Variants in PRKD1 observed in about 807,000 individuals in gnomAD.
The protein encoded by PRKD1 is serine/threonine-protein kinase D1.
PRKD1 carries 63 observed loss-of-function variants against 95.9 expected under a neutral mutation model. The observed-to-expected ratio is 0.66, with a 90% CI of 0.54 to 0.81. PRKD1 has a LOEUF of 0.81. PRKD1 is among the 30% of genes least tolerant of loss of function. PRKD1 has a pLI of 0.00. For missense variants in PRKD1, 1,048 were observed against 1,165.3 expected, an observed-to-expected ratio of 0.90 and a Z score of 1.47; for synonymous variants, 425 against 423.1, an observed-to-expected ratio of 1.00 and a Z score of -0.05.
intron 2 of PRKD1, among the ~76,000 whole-genome samples, chr14:29,691,601 A>ACC (rs1884237874): frequency 6.6e-6 from 1 of 152,156 alleles, no homozygotes; most frequent in Non-Finnish European, 1.5e-5. Context: ...CAAAGTAACA[A>ACC]TTATTAGGTT....
At chr14:29,645,939 C>T (rs1253879679) in intron 4 of PRKD1, among the ~76,000 whole-genome samples, 2 of 152,060 alleles carry the variant, frequency 1.3e-5, no homozygotes, top group African/African-American at 4.8e-5. Context: ...TATTATTTAC[C>T]TCTTATTTGT....
chr14:29,588,157 T>C (rs1361967912), intron 16 of PRKD1, among the ~76,000 whole-genome samples: 2 of 152,194 alleles, frequency 1.3e-5, no homozygotes, highest in Non-Finnish European at 2.9e-5. Flanking sequence ...TCGCGTACCA[T>C]TGGATTTCTG....
chr14:29,692,620 T>A (rs1408852363), intron 2 of PRKD1, among the ~76,000 whole-genome samples: 1 of 151,982 alleles, frequency 6.6e-6, no homozygotes, highest in Non-Finnish European at 1.5e-5. Flanking sequence ...TAATTAAAGC[T>A]CAGTTTGAAT....
intron 17 of PRKD1, among the ~76,000 whole-genome samples, chr14:29,578,062 G>A (rs148843792): frequency 8.1e-4 from 123 of 152,064 alleles, no homozygotes; most frequent in African/African-American, 2.7e-3. Flanking sequence ...ATATGCGTGC[G>A]TGTATCTCTT....
chr14:29,715,603 C>T (rs1296370597), intron 2 of PRKD1, among the ~76,000 whole-genome samples: 1 of 152,128 alleles, frequency 6.6e-6, no homozygotes, highest in African/African-American at 2.4e-5. Flanking sequence ...GTTTAAGCCT[C>T]AAGCACAAGA....
chr14:29,775,542 T>C (rs879784332), intron 1 of PRKD1, among the ~76,000 whole-genome samples: 3 of 152,144 alleles, frequency 2.0e-5, no homozygotes, highest in Non-Finnish European at 4.4e-5. Context: ...GGACCCTCGC[T>C]CATTGCTAGC....
At chr14:29,902,969 A>G (rs1894370398) in intron 1 of PRKD1, among the ~76,000 whole-genome samples, 1 of 152,238 alleles carries the variant, frequency 6.6e-6, no homozygotes, top group Admixed American at 6.5e-5. Flanking sequence ...GAAAAGTGGG[A>G]ACAGAATTTA....
intron 1 of PRKD1, among the ~76,000 whole-genome samples, chr14:29,845,501 C>T (rs1334264051): frequency 6.6e-6 from 1 of 152,116 alleles, no homozygotes; most frequent in Non-Finnish European, 1.5e-5. Flanking sequence ...CTTACATAAA[C>T]TCTAAGCATA....
intron 12 of PRKD1, 91 bp from the exon 13 acceptor site, chr14:29,624,349 A>T: frequency 1.3e-6 from 1 of 792,150 alleles, no homozygotes; most frequent in South Asian, 2.1e-5. Flanking sequence ...TAAAGAAATG[A>T]TAAACATATT....
intron 1 of PRKD1, among the ~76,000 whole-genome samples, chr14:29,916,149 GC>G (rs1894880142): frequency 6.6e-6 from 1 of 152,130 alleles, no homozygotes; most frequent in African/African-American, 2.4e-5. Context: ...CTGGAACCTT[GC>G]CTATCATGAC....
rs552537920 is a variant in PRKD1, at chr14:29,656,749, T to A, written c.696+6950A>T. Among the ~76,000 whole-genome samples, 6 of 152,280 alleles carry A rather than the reference T, an allele frequency of 3.9e-5. No homozygotes were observed. The East Asian group carries it at 9.6e-4, about 24-fold the overall frequency. On this transcript the variant is annotated intron_variant, in intron 4 of 17. Coordinates refer to ENST00000331968, the MANE Select transcript of PRKD1 (RefSeq NM_002742.3). ...ACTAAGTAAAAATTGCAAAAATAAT[T>A]GTGAGTCGCTAGATGTTAAAAAAAA...
rs1895354973 is a variant in PRKD1, at chr14:29,927,529, G to A, written c.-17C>T. On this transcript the variant is annotated 5_prime_UTR_variant, in exon 1 of 18. Transcript: ENST00000331968. Reference sequence around the variant, plus strand: ...GGCGCTCATCGCTCGGCGGGGCGCAGGGCCGGGCAGCGGAGGGCGGGGGCT... The same window carrying A: ...GGCGCTCATCGCTCGGCGGGGCGCAAGGCCGGGCAGCGGAGGGCGGGGGCT... The A allele has an allele frequency of 3.4e-6, 4 of 1,161,296 alleles. No homozygotes were observed. The East Asian group carries it at 1.6e-4, about 48-fold the overall frequency. 71.9% of individuals were successfully genotyped at this position (1,161,296 alleles called of 1,614,324 possible). A position where few individuals can be genotyped will look rare whatever the true frequency, so the allele number is the denominator to read the frequency against.
chr14:29,651,788 G>C (rs1166048049), intron 4 of PRKD1, among the ~76,000 whole-genome samples: 1 of 151,856 alleles, frequency 6.6e-6, no homozygotes, highest in African/African-American at 2.4e-5. Context: ...TTGTTGTGCA[G>C]TCTAGAGTGC....
chr14:29,614,784 T>C (rs1878731909), intron 13 of PRKD1, among the ~76,000 whole-genome samples: 1 of 151,432 alleles, frequency 6.6e-6, no homozygotes, highest in Non-Finnish European at 1.5e-5. Flanking sequence ...CTGCAACCTC[T>C]GCCTCCAAGG....
intron 1 of PRKD1, among the ~76,000 whole-genome samples, chr14:29,778,872 G>A (rs772667773): frequency 1.4e-4 from 22 of 152,102 alleles, no homozygotes; most frequent in Admixed American, 2.6e-4. Flanking sequence ...GATGATCACC[G>A]ATGCAAAAAT....
At chr14:29,627,102 C>T (rs1437453760) in intron 11 of PRKD1, among the ~76,000 whole-genome samples, 1 of 152,190 alleles carries the variant, frequency 6.6e-6, no homozygotes, top group Non-Finnish European at 1.5e-5. Flanking sequence ...CGTGCTAGCA[C>T]ATATGTTTCA....
intron 1 of PRKD1, among the ~76,000 whole-genome samples, chr14:29,860,409 A>C (rs1958989): frequency 0.48 from 73,579 of 152,044 alleles, 21,365 homozygotes; most frequent in African/African-American, 0.82. Context: ...GATAGGTGAT[A>C]TATCTCCTAA....
chr14:29,755,557 G>A (rs902196308), intron 1 of PRKD1, among the ~76,000 whole-genome samples: 5 of 152,036 alleles, frequency 3.3e-5, no homozygotes, highest in Non-Finnish European at 7.4e-5. Flanking sequence ...TGTGTACCAA[G>A]ATAGTCCCTC....
intron 1 of PRKD1, among the ~76,000 whole-genome samples, chr14:29,734,316 G>A (rs920243607): frequency 6.6e-5 from 10 of 151,826 alleles, no homozygotes; most frequent in Admixed American, 6.6e-5. Flanking sequence ...CTGGTATTAC[G>A]GGTGTGAGCC....
Sources: gnomAD v4.1 joint callset for allele counts (sites outside exome capture counted in the v4.1 genomes callset) on GRCh38, gnomAD v4.1.1 for gene constraint, MANE v1.5 for transcripts, NCBI Gene and HGNC (gene_info 2026-07-23, HGNC 2026-07-21) for gene names.